Variants in GMDS observed in about 807,000 individuals in gnomAD.
The protein encoded by GMDS is GDP-mannose 4,6 dehydratase.
A neutral mutation model predicts 49.9 loss-of-function variants in GMDS; 20 were observed. The ratio of observed to expected loss-of-function variants is 0.40; its 90% CI spans 0.28 to 0.58. GMDS has a LOEUF of 0.58. GMDS is among the 20% of genes least tolerant of loss of function. GMDS has a pLI of 0.42. For synonymous variants in GMDS, 177 were observed against 178.6 expected (o/e 0.99, Z 0.07); for missense variants, 362 against 481.4 (o/e 0.75, Z 2.32).
intron 2 of GMDS, among the ~76,000 whole-genome samples, chr6:2,118,696 A>G (rs1327640758): frequency 6.6e-6 from 1 of 152,202 alleles, no homozygotes; most frequent in Admixed American, 6.5e-5. Flanking sequence ...AGCACTCATC[A>G]ACATTATTTT....
chr6:1,884,022 T>G (rs1385251110), intron 7 of GMDS, among the ~76,000 whole-genome samples: 1 of 152,196 alleles, frequency 6.6e-6, no homozygotes, highest in East Asian at 1.9e-4. Context: ...TTTTAACTAG[T>G]AAAGATTTTG....
rs1467446065 is a variant in GMDS, at chr6:2,191,971, C to T, written c.102+53350G>A. On this transcript the variant is annotated intron_variant, in intron 1 of 10. Coordinates refer to ENST00000380815, the MANE Select transcript of GMDS (RefSeq NM_001500.4). The surrounding 1 kb of genome is among the most constrained non-coding windows in gnomAD (Gnocchi z 4.6). ...ATGACCACCCATGGACCAACTGGCA[C>T]ACACTTCCTCCACTCTGAGGCCCAT... Among the ~76,000 whole-genome samples, 1 of 152,192 alleles carries T rather than the reference C, an allele frequency of 6.6e-6. No homozygotes were observed. The highest frequency in any genetic ancestry group is 1.5e-5 in the Non-Finnish European group (1 of 68,030).
chr6:1,993,880 T>C (rs1180261946), intron 4 of GMDS, among the ~76,000 whole-genome samples: 2 of 152,102 alleles, frequency 1.3e-5, no homozygotes, highest in Non-Finnish European at 2.9e-5. Flanking sequence ...AAATTTCCTA[T>C]ATTCTCCCAG....
chr6:1,812,495 A>C (rs1770478386), intron 7 of GMDS, among the ~76,000 whole-genome samples: 1 of 152,054 alleles, frequency 6.6e-6, no homozygotes, highest in African/African-American at 2.4e-5. Context: ...GGGGAAAAAA[A>C]GAAGAAAGGG....
chr6:2,244,906 T>G (rs1222691357), intron 1 of GMDS, among the ~76,000 whole-genome samples: 2 of 152,154 alleles, frequency 1.3e-5, no homozygotes, highest in African/African-American at 4.8e-5. Flanking sequence ...AAGCGCCCCT[T>G]GAGCCGAGAC....
chr6:2,117,148 C>A (rs76019045), intron 3 of GMDS, among the ~76,000 whole-genome samples: 2,579 of 152,232 alleles, frequency 0.017, 69 homozygotes, highest in African/African-American at 0.059. Flanking sequence ...GGTCGGTGCA[C>A]TGCCAGTGTG....
chr6:1,867,955 G>A (rs1341575178), intron 7 of GMDS, among the ~76,000 whole-genome samples: 2 of 152,000 alleles, frequency 1.3e-5, no homozygotes, highest in Admixed American at 1.3e-4. Flanking sequence ...TAGGAAGGGA[G>A]GCTCCTAAAT....
chr6:1,728,150 T>G (rs1214209454), intron 8 of GMDS, among the ~76,000 whole-genome samples: 1 of 152,146 alleles, frequency 6.6e-6, no homozygotes, highest in Non-Finnish European at 1.5e-5. Flanking sequence ...ATGATGACCC[T>G]CATACATCTC....
At chr6:1,810,476 T>G (rs2113678976) in intron 7 of GMDS, among the ~76,000 whole-genome samples, 2 of 151,938 alleles carry the variant, frequency 1.3e-5, no homozygotes, top group African/African-American at 4.8e-5. Context: ...AGAGACAGGG[T>G]TTCACTGTGT....
At chr6:1,688,638 T>G (rs1232380402) in intron 9 of GMDS, among the ~76,000 whole-genome samples, 2 of 152,214 alleles carry the variant, frequency 1.3e-5, no homozygotes, top group Non-Finnish European at 2.9e-5. Flanking sequence ...AAAGAAAGAA[T>G]TTGCCTGGGG....
chr6:1,964,894 T>C (rs1236751606), intron 4 of GMDS, among the ~76,000 whole-genome samples: 1 of 152,150 alleles, frequency 6.6e-6, no homozygotes, highest in Non-Finnish European at 1.5e-5. Flanking sequence ...ATTGTTCAAT[T>C]GCCACCTATG....
At chr6:1,936,492 C>T (rs1299456213) in intron 6 of GMDS, among the ~76,000 whole-genome samples, 13 of 152,166 alleles carry the variant, frequency 8.5e-5, no homozygotes, top group Non-Finnish European at 4.4e-5. Flanking sequence ...TAGCTCAGAC[C>T]AGCAAGTCAT....
chr6:1,729,304 G>T (rs1278610992), intron 8 of GMDS, among the ~76,000 whole-genome samples: 2 of 152,178 alleles, frequency 1.3e-5, no homozygotes, highest in East Asian at 3.9e-4. Flanking sequence ...TGCTACTTTG[G>T]CACTCAACAG....
intron 1 of GMDS, among the ~76,000 whole-genome samples, chr6:2,167,689 T>TGCC (rs1196601248): frequency 2.0e-5 from 3 of 152,084 alleles, no homozygotes. Context: ...CTAAAATGCC[T>TGCC]GCCCCCAGCT....
Position 1,641,235 on chromosome 6 carries a change from T to C in GMDS, c.988-16695A>G, listed in dbSNP as rs546612224. On this transcript the variant is annotated intron_variant, in intron 9 of 10. Transcript: ENST00000380815. ...GGGGCTCAGTGAGGTCCTCATCCAT[T>C]CCTGTGCACCCTGGAGGTCCTGAAG... Among the ~76,000 whole-genome samples the C allele has an allele frequency of 7.2e-5, 11 of 152,312 alleles. No homozygotes were observed. The South Asian group carries it at 2.3e-3, about 32-fold the overall frequency.
At chr6:2,180,362 T>C (rs1778464461) in intron 1 of GMDS, among the ~76,000 whole-genome samples, 1 of 152,234 alleles carries the variant, frequency 6.6e-6, no homozygotes, top group Non-Finnish European at 1.5e-5. Context: ...TTCTCAGCTG[T>C]CCTGACCAGG....
intron 4 of GMDS, among the ~76,000 whole-genome samples, chr6:2,080,453 G>T (rs1772619871): frequency 1.3e-5 from 2 of 152,074 alleles, no homozygotes; most frequent in African/African-American, 2.4e-5. Context: ...TCAATTTTTT[G>T]AATTTACTTT....
chr6:1,702,120 G>T (rs1765563810), intron 9 of GMDS, among the ~76,000 whole-genome samples: 2 of 152,270 alleles, frequency 1.3e-5, no homozygotes, highest in Non-Finnish European at 1.5e-5. Flanking sequence ...CACAACGCCA[G>T]TCAGAGCTGG....
At chr6:1,704,172 A>C (rs1765639284) in intron 9 of GMDS, among the ~76,000 whole-genome samples, 1 of 152,148 alleles carries the variant, frequency 6.6e-6, no homozygotes, top group South Asian at 2.1e-4. Flanking sequence ...AGTCAACAAC[A>C]CAAGGTTGTC....
Sources: allele counts gnomAD v4.1 joint callset (sites outside exome capture counted in the v4.1 genomes callset), GRCh38; gene constraint gnomAD v4.1.1; non-coding constraint Gnocchi (gnomAD v3.1); transcripts MANE v1.5; gene names NCBI Gene and HGNC (gene_info 2026-07-23, HGNC 2026-07-21).